Variants in KCTD8 observed in about 807,000 individuals in gnomAD.
The protein encoded by KCTD8 is potassium channel tetramerization domain containing 8.
A neutral mutation model predicts 31.5 loss-of-function variants in KCTD8; 27 were observed. The ratio of observed to expected loss-of-function variants is 0.86; its 90% CI spans 0.63 to 1.18. The LOEUF (loss-of-function observed/expected upper bound fraction) is 1.18. KCTD8 is among the 50% of genes most tolerant of loss of function. KCTD8 has a pLI of 0.00. For synonymous variants in KCTD8, 290 were observed against 280.0 expected (o/e 1.04, Z -0.36); for missense variants, 658 against 647.7 (o/e 1.02, Z -0.17).
intron 1 of KCTD8, among the ~76,000 whole-genome samples, chr4:44,183,169 A>G (rs978798756): frequency 6.6e-6 from 1 of 152,234 alleles, no homozygotes; most frequent in East Asian, 1.9e-4. Flanking sequence ...TATCTATTAA[A>G]AATGAAATTA....
At chr4:44,216,033 T>C (rs879934636) in intron 1 of KCTD8, among the ~76,000 whole-genome samples, 13 of 152,140 alleles carry the variant, frequency 8.5e-5, no homozygotes, top group Non-Finnish European at 1.5e-4. Context: ...ATGGAGAGAC[T>C]GAATGAAAGA....
intron 1 of KCTD8, among the ~76,000 whole-genome samples, chr4:44,310,390 A>C (rs911632193): frequency 2.6e-5 from 4 of 152,134 alleles, no homozygotes; most frequent in Non-Finnish European, 5.9e-5. Flanking sequence ...GGGAGCAGAG[A>C]GATTTATGAA....
chr4:44,251,124 G>C (rs1577575473), intron 1 of KCTD8, among the ~76,000 whole-genome samples: 1 of 151,640 alleles, frequency 6.6e-6, no homozygotes, highest in African/African-American at 2.4e-5. Context: ...AATGCCACTT[G>C]CAACACTTAC....
intron 1 of KCTD8, among the ~76,000 whole-genome samples, chr4:44,236,154 G>A (rs1227095889): frequency 6.6e-6 from 1 of 152,176 alleles, no homozygotes; most frequent in Admixed American, 6.5e-5. Flanking sequence ...CTGCCCAACT[G>A]CAGCCATGAG....
In KCTD8 at chr4:44,174,046, A is replaced by C. The variant is rs1713121707; in HGVS notation, c.*744T>G. The C allele has an allele frequency of 6.6e-6, 1 of 152,180 alleles. No homozygotes were observed. The highest frequency in any genetic ancestry group is 2.4e-5 in the African/African-American group (1 of 41,458). 9.4% of individuals were successfully genotyped at this position (152,180 alleles called of 1,614,324 possible). On this transcript the variant is annotated 3_prime_UTR_variant, in exon 2 of 2. Transcript: ENST00000360029. ...CCGATGTAAGACTCATTTCACAGTA[A>C]TAATCATGACTAGCATTAGTAAATG... is the stretch of plus-strand genomic sequence containing the variant.
chr4:44,185,438 T>G (rs1429267739), intron 1 of KCTD8, among the ~76,000 whole-genome samples: 5 of 152,236 alleles, frequency 3.3e-5, no homozygotes, highest in Non-Finnish European at 7.3e-5. Context: ...AGTATATCCT[T>G]GTTCAAAAAC....
chr4:44,438,818 A>G (rs1721746419), intron 1 of KCTD8, among the ~76,000 whole-genome samples: 1 of 152,200 alleles, frequency 6.6e-6, no homozygotes, highest in Non-Finnish European at 1.5e-5. Context: ...AAGTGGCAAA[A>G]GCTAACATGT....
chr4:44,302,455 T>C (rs567521047), intron 1 of KCTD8, among the ~76,000 whole-genome samples: 1 of 152,286 alleles, frequency 6.6e-6, no homozygotes, highest in Non-Finnish European at 1.5e-5. Context: ...GTTGGATTCC[T>C]AAGTATTTTA....
intron 1 of KCTD8, among the ~76,000 whole-genome samples, chr4:44,353,107 C>CCACATTG (rs1379147030): frequency 2.6e-5 from 4 of 152,090 alleles, no homozygotes; most frequent in Non-Finnish European, 5.9e-5. Context: ...AGTTATCTTA[C>CCACATTG]CACATTGCAG....
chr4:44,343,513 C>T (rs570287354), intron 1 of KCTD8, among the ~76,000 whole-genome samples: 99 of 152,182 alleles, frequency 6.5e-4, no homozygotes, highest in African/African-American at 2.4e-3. Context: ...AAATGTGACT[C>T]AGAGACATGA....
At chr4:44,418,384 T>C (rs1484006903) in intron 1 of KCTD8, among the ~76,000 whole-genome samples, 12 of 152,158 alleles carry the variant, frequency 7.9e-5, no homozygotes, top group Non-Finnish European at 1.6e-4. Flanking sequence ...TGAAATTTTC[T>C]CCTATGGCAG....
At chr4:44,409,820 AG>A (rs1720906879) in intron 1 of KCTD8, among the ~76,000 whole-genome samples, 1 of 150,994 alleles carries the variant, frequency 6.6e-6, no homozygotes, top group Non-Finnish European at 1.5e-5. Flanking sequence ...AGGTTAGAAT[AG>A]TGATTACAGG....
chr4:44,448,289 G>C lies in KCTD8; in HGVS notation c.235C>G (p.Pro79Ala), dbSNP rs752490830. 1 of 1,608,358 alleles carries C rather than the reference G, an allele frequency of 6.2e-7. No homozygotes were observed. The highest frequency in any genetic ancestry group is 1.7e-4 in the Middle Eastern group (1 of 6,016). Residue 79 changes from proline to alanine, a missense_variant, in exon 1 of 2, where the codon CCC becomes GCC. Physicochemically the swap from Pro to Ala is conservative, Grantham distance 27. Transcript: ENST00000360029. This position sits in a 1 kb window ranked among gnomAD's most constrained non-coding sequence, Gnocchi z 4.1. ...TLASMFSPSS[P>A]RGGARRRGEL... ...CCCCGGCGCCGGGCGCCGCCACGGG[G>C]ACTAGAGGGCGAGAACATGCTGGCC...
chr4:44,324,917 G>T (rs926630740), intron 1 of KCTD8, among the ~76,000 whole-genome samples: 1 of 151,936 alleles, frequency 6.6e-6, no homozygotes, highest in African/African-American at 2.4e-5. Context: ...GTGATTTTAT[G>T]TAACTGTCTT....
At chr4:44,268,958 A>T (rs1379543018) in intron 1 of KCTD8, among the ~76,000 whole-genome samples, 1 of 152,214 alleles carries the variant, frequency 6.6e-6, no homozygotes, top group Non-Finnish European at 1.5e-5. Context: ...GAAAACGGCC[A>T]TCCTGCCCAA....
chr4:44,301,600 G>A (rs903164576), intron 1 of KCTD8, among the ~76,000 whole-genome samples: 1 of 152,076 alleles, frequency 6.6e-6, no homozygotes, highest in African/African-American at 2.4e-5. Flanking sequence ...TGAGTTCATT[G>A]TAGATTCTGG....
chr4:44,426,373 ACT>A (rs1439818628), intron 1 of KCTD8, among the ~76,000 whole-genome samples: 1 of 151,756 alleles, frequency 6.6e-6, no homozygotes, highest in African/African-American at 2.4e-5. Context: ...AGATGAATAG[ACT>A]CTGACAAACT....
intron 1 of KCTD8, among the ~76,000 whole-genome samples, chr4:44,339,320 G>A (rs1244056901): frequency 6.6e-6 from 1 of 152,024 alleles, no homozygotes; most frequent in Admixed American, 6.6e-5. Flanking sequence ...AATCCCTAGA[G>A]AAATTCCAAA....
At chr4:44,301,812 T>G (rs1717632375) in intron 1 of KCTD8, among the ~76,000 whole-genome samples, 1 of 152,226 alleles carries the variant, frequency 6.6e-6, no homozygotes, top group African/African-American at 2.4e-5. Flanking sequence ...TCCTGAATGG[T>G]AATGCCTGGG....
Sources: gnomAD v4.1 joint callset for allele counts (sites outside exome capture counted in the v4.1 genomes callset) on GRCh38, gnomAD v4.1.1 for gene constraint, Gnocchi (gnomAD v3.1) non-coding constraint, MANE v1.5 for transcripts, NCBI Gene and HGNC (gene_info 2026-07-23, HGNC 2026-07-21) for gene names.